The following ZNF438 variants were observed in gnomAD, a reference collection of about 807,000 sequenced individuals.
The protein encoded by ZNF438 is zinc finger protein 438.
A neutral mutation model predicts 38.0 loss-of-function variants in ZNF438; 25 were observed. The observed-to-expected ratio is 0.66, with a 90% confidence interval of 0.48 to 0.92. The LOEUF (loss-of-function observed/expected upper bound fraction) is 0.92, where lower values mean the gene tolerates loss of function less well. Among genes scored for constraint, ZNF438 ranks in the 40% least tolerant of loss-of-function variants. The pLI is 0.00. For missense variants in ZNF438, 1,007 were observed against 999.6 expected (o/e 1.01, Z -0.10); for synonymous variants, 372 against 364.1 (o/e 1.02, Z -0.25).
intron 1 of ZNF438, among the ~76,000 whole-genome samples, chr10:30,998,511 C>A (rs962384882): frequency 8.3e-6 from 1 of 121,104 alleles, no homozygotes; most frequent in African/African-American, 3.2e-5. Flanking sequence ...CCCCTGCACT[C>A]CAGCCTGGGT....
chr10:30,930,137 C>T (rs1355555966), intron 2 of ZNF438, among the ~76,000 whole-genome samples: 1 of 103,080 alleles, frequency 9.7e-6, no homozygotes, highest in Non-Finnish European at 1.9e-5. Context: ...TCAGGCCTGG[C>T]AGGAGCCCAT....
chr10:31,001,236 C>T (rs2054626951), intron 1 of ZNF438, among the ~76,000 whole-genome samples: 1 of 152,148 alleles, frequency 6.6e-6, no homozygotes, highest in Non-Finnish European at 1.5e-5. Flanking sequence ...AAACAACTAC[C>T]ATTTATATTT....
At chr10:30,870,399 T>C (rs2133417023) in intron 4 of ZNF438, among the ~76,000 whole-genome samples, 1 of 149,442 alleles carries the variant, frequency 6.7e-6, no homozygotes, top group Admixed American at 6.7e-5. Flanking sequence ...TAAACACGCA[T>C]CCTTTTTACA....
At chr10:30,854,260 G>A (rs2034217641) in intron 4 of ZNF438, among the ~76,000 whole-genome samples, 2 of 152,218 alleles carry the variant, frequency 1.3e-5, no homozygotes, top group Admixed American at 1.3e-4. Context: ...TTTGCAGTGA[G>A]CCGAAATAGC....
intron 1 of ZNF438, among the ~76,000 whole-genome samples, chr10:31,020,192 G>C (rs2056489643): frequency 6.6e-6 from 1 of 152,084 alleles, no homozygotes; most frequent in Non-Finnish European, 1.5e-5. Context: ...TTTTTCCTAG[G>C]AATTTTAAGT....
intron 3 of ZNF438, among the ~76,000 whole-genome samples, chr10:30,891,916 G>A (rs543666753): frequency 3.3e-5 from 5 of 152,122 alleles, no homozygotes; most frequent in Non-Finnish European, 7.4e-5. Flanking sequence ...AAGGCATTCA[G>A]GCCAGTGAAG....
At chr10:30,849,086 G>A in exon 5 of ZNF438, 1 of 1,614,052 alleles carries the variant, frequency 6.2e-7, no homozygotes, top group Non-Finnish European at 8.5e-7. Flanking sequence ...GACCATGATA[G>A]GTTTGGGCAT....
chr10:30,849,416 G>A, exon 5 of ZNF438: 1 of 1,614,110 alleles, frequency 6.2e-7, no homozygotes, highest in Non-Finnish European at 8.5e-7. Context: ...TGTGGTGGAG[G>A]GTATCTTATC....
intron 2 of ZNF438, among the ~76,000 whole-genome samples, chr10:30,935,322 C>A (rs1257284309): frequency 6.6e-6 from 1 of 152,202 alleles, no homozygotes. Flanking sequence ...GTTCTGCAGG[C>A]TGTACAGAAG....
At chr10:30,898,625 AAG>A (rs2041638535) in intron 3 of ZNF438, among the ~76,000 whole-genome samples, 1 of 152,110 alleles carries the variant, frequency 6.6e-6, no homozygotes, top group South Asian at 2.1e-4. Context: ...ACCGTTCTAA[AAG>A]GGGGGGAACG....
intron 1 of ZNF438, among the ~76,000 whole-genome samples, chr10:30,995,498 T>A (rs1220092798): frequency 6.6e-6 from 1 of 152,046 alleles, no homozygotes; most frequent in Non-Finnish European, 1.5e-5. Context: ...TCACAAGAAA[T>A]ACTAAAGGAA....
chr10:30,950,192 G>C (rs1169079951), intron 1 of ZNF438, among the ~76,000 whole-genome samples: 1 of 151,318 alleles, frequency 6.6e-6, no homozygotes, highest in Non-Finnish European at 1.5e-5. Context: ...GATGTTCTTT[G>C]AAACCAACGA....
chr10:30,954,331 A>G (rs1233280189), intron 1 of ZNF438, among the ~76,000 whole-genome samples: 2 of 152,196 alleles, frequency 1.3e-5, no homozygotes, highest in Non-Finnish European at 2.9e-5. Flanking sequence ...GATCTTTTCA[A>G]AACTAAACAG....
chr10:30,868,360 C>T (rs552510955), intron 4 of ZNF438, among the ~76,000 whole-genome samples: 93 of 152,188 alleles, frequency 6.1e-4, no homozygotes, highest in Non-Finnish European at 1.1e-3. Context: ...TGTGAACCAC[C>T]GTGCCCGGCC....
In ZNF438 at chr10:30,860,689, G is replaced by C. The variant is rs115809142; in HGVS notation, c.38-10322C>G. 3.7e-3 allele frequency among the ~76,000 whole-genome samples: 566 copies of C among 152,270 alleles called. 3 individuals carry two copies. The highest frequency in any genetic ancestry group is 0.017 in the Middle Eastern group (5 of 294). On this transcript the variant is annotated intron_variant, in intron 4 of 5. Transcript: ENST00000413025. The stretch of plus-strand genomic sequence containing the variant: ...CCCTTCTGTAAATTTTTGTATCCCA[G>C]TTGATAAAGTGCTAATTGGATTAAC...
chr10:31,024,484 C>T (rs370328422), intron 1 of ZNF438, among the ~76,000 whole-genome samples: 1 of 152,106 alleles, frequency 6.6e-6, no homozygotes. Context: ...AAAAATTAGC[C>T]GGGCTTGGTG....
In ZNF438 at chr10:30,927,561, C is replaced by T. The variant is rs146371315; in HGVS notation, c.-115+14014G>A. Among the ~76,000 whole-genome samples the T allele has an allele frequency of 4.3e-3, 652 of 152,342 alleles. 5 individuals are homozygous for T. The highest frequency in any genetic ancestry group is 0.024 in the Middle Eastern group (7 of 294). ...TGCCATCCATGATTTTTGTCACTGT[C>T]AGTATTCCTAATCCTAGATGTTCCC... On this transcript the variant is annotated intron_variant, in intron 2 of 5. Transcript: ENST00000413025.
At chr10:30,926,734 A>G (rs1241160104) in intron 2 of ZNF438, among the ~76,000 whole-genome samples, 2 of 152,140 alleles carry the variant, frequency 1.3e-5, no homozygotes, top group African/African-American at 4.8e-5. Context: ...ACAGGCAAGC[A>G]CTGACAGATT....
intron 1 of ZNF438, among the ~76,000 whole-genome samples, chr10:30,968,057 G>A (rs974194522): frequency 2.0e-5 from 3 of 152,050 alleles, no homozygotes; most frequent in African/African-American, 4.8e-5. Flanking sequence ...AATTTATAAC[G>A]GCATGATAAA....
Sources: gnomAD v4.1 joint callset for allele counts (sites outside exome capture counted in the v4.1 genomes callset) on GRCh38, gnomAD v4.1.1 for gene constraint, MANE v1.5 for transcripts, NCBI Gene and HGNC (gene_info 2026-07-23, HGNC 2026-07-21) for gene names.